The following ZNF804A variants were observed in gnomAD, a reference collection of about 807,000 sequenced individuals.
The protein encoded by ZNF804A is zinc finger protein 804A.
A neutral mutation model predicts 16.5 loss-of-function variants in ZNF804A; 2 were observed. The ratio of observed to expected loss-of-function variants is 0.12; its 90% CI spans 0.05 to 0.38. The LOEUF is 0.38. ZNF804A is among the 10% of genes least tolerant of loss of function. ZNF804A has a pLI of 0.99. For synonymous variants in ZNF804A, 534 were observed against 489.6 expected, an observed-to-expected ratio of 1.09 and a Z score of -1.20; for missense variants, 1,473 against 1,390.7, an observed-to-expected ratio of 1.06 and a Z score of -0.94.
chr2:184,880,169 C>T lies in ZNF804A; in HGVS notation c.255+13657C>T, dbSNP rs1216733297. Among the ~76,000 whole-genome samples, 4 of 151,910 alleles carry T rather than the reference C, an allele frequency of 2.6e-5. No homozygotes were observed. The South Asian group carries it at 8.3e-4, about 32-fold the overall frequency. On this transcript the variant is annotated intron_variant, in intron 2 of 3. Coordinates refer to ENST00000302277, the MANE Select transcript of ZNF804A (RefSeq NM_194250.2). The stretch of plus-strand genomic sequence containing the variant: ...GAGCCCTTTTGGGAAAAAATAAAAT[C>T]CCTTCTACCCCAGATTTGTCACTGT...
intron 3 of ZNF804A, among the ~76,000 whole-genome samples, chr2:184,935,481 A>T (rs1049377761): frequency 6.6e-6 from 1 of 152,210 alleles, no homozygotes; most frequent in Non-Finnish European, 1.5e-5. Flanking sequence ...ATCACAGAAG[A>T]GGCCATGAAG....
In ZNF804A at chr2:184,795,996, T is replaced by C. The variant is rs1331846156; in HGVS notation, c.112-70373T>C. Among the ~76,000 whole-genome samples the C allele has an allele frequency of 6.6e-5, 10 of 151,976 alleles. No homozygotes were observed. The East Asian group carries it at 1.9e-3, about 29-fold the overall frequency. ...GATGATCGTGTGATTTGTTTTTAAT[T>C]CTGTTTATGTGGTGAATCACATTTA... is the stretch of plus-strand genomic sequence containing the variant. On this transcript the variant is annotated intron_variant, in intron 1 of 3. Transcript: ENST00000302277.
chr2:184,730,009 A>C lies in ZNF804A; in HGVS notation c.111+130939A>C, dbSNP rs1693486878. Among the ~76,000 whole-genome samples, 5 of 152,098 alleles carry C rather than the reference A, an allele frequency of 3.3e-5. No individual in the cohort carries two copies. In the South Asian group the frequency reaches 1.0e-3, roughly 32 times the overall value. On this transcript the variant is annotated intron_variant, in intron 1 of 3. Coordinates refer to ENST00000302277, the MANE Select transcript of ZNF804A (RefSeq NM_194250.2). Reference sequence around the variant, plus strand: ...TGGTCCTGACTCATAGTATATGACCAATAAATGGTAACTACTACTATTAAT... The same window carrying C: ...TGGTCCTGACTCATAGTATATGACCCATAAATGGTAACTACTACTATTAAT...
At chr2:184,875,753 T>C (rs1333129217) in intron 2 of ZNF804A, among the ~76,000 whole-genome samples, 1 of 148,728 alleles carries the variant, frequency 6.7e-6, no homozygotes, top group Non-Finnish European at 1.5e-5. Context: ...CTCTGAATTT[T>C]AGTCATTGAC....
At chr2:184,780,061 G>T (rs933112862) in intron 1 of ZNF804A, among the ~76,000 whole-genome samples, 2 of 151,760 alleles carry the variant, frequency 1.3e-5, no homozygotes, top group African/African-American at 4.8e-5. Flanking sequence ...TTCTAAATGT[G>T]TATATACTGA....
intron 1 of ZNF804A, among the ~76,000 whole-genome samples, chr2:184,619,766 T>C (rs978039845): frequency 6.6e-6 from 1 of 151,920 alleles, no homozygotes; most frequent in African/African-American, 2.4e-5. Flanking sequence ...CAATAAATTA[T>C]CGTTATTTAT....
intron 2 of ZNF804A, among the ~76,000 whole-genome samples, chr2:184,897,952 C>G (rs1250800335): frequency 6.6e-6 from 1 of 152,106 alleles, no homozygotes; most frequent in Non-Finnish European, 1.5e-5. Context: ...TTAGTACAAA[C>G]CAAGATCTGG....
At chr2:184,887,989 T>C (rs1684923323) in intron 2 of ZNF804A, among the ~76,000 whole-genome samples, 1 of 151,722 alleles carries the variant, frequency 6.6e-6, no homozygotes, top group African/African-American at 2.4e-5. Context: ...AGGTTGGGAG[T>C]ACGGTAACGG....
chr2:184,619,108 C>T (rs1434706928), intron 1 of ZNF804A, among the ~76,000 whole-genome samples: 1 of 152,022 alleles, frequency 6.6e-6, no homozygotes, highest in Non-Finnish European at 1.5e-5. Context: ...AAAAAGTAAT[C>T]AGCAAGGAGC....
chr2:184,639,079 T>A (rs1177770478), intron 1 of ZNF804A, among the ~76,000 whole-genome samples: 1 of 147,710 alleles, frequency 6.8e-6, no homozygotes, highest in African/African-American at 2.5e-5. Flanking sequence ...TTTTTTTTTT[T>A]TTTTTTTTTT....
At chr2:184,704,313 T>A (rs1013166217) in intron 1 of ZNF804A, among the ~76,000 whole-genome samples, 1 of 152,034 alleles carries the variant, frequency 6.6e-6, no homozygotes, top group Non-Finnish European at 1.5e-5. Flanking sequence ...CCAACATGCC[T>A]GACTAATTTT....
At chr2:184,875,992 C>A (rs1402515143) in intron 2 of ZNF804A, among the ~76,000 whole-genome samples, 1 of 152,132 alleles carries the variant, frequency 6.6e-6, no homozygotes, top group African/African-American at 2.4e-5. Flanking sequence ...CCTCAAACAT[C>A]TTGATTTTTG....
At chr2:184,901,558 T>G (rs1685182576) in intron 2 of ZNF804A, among the ~76,000 whole-genome samples, 1 of 152,136 alleles carries the variant, frequency 6.6e-6, no homozygotes, top group Non-Finnish European at 1.5e-5. Flanking sequence ...AATTATACTT[T>G]CCTCAGCAGG....
intron 2 of ZNF804A, among the ~76,000 whole-genome samples, chr2:184,923,517 C>A (rs916510903): frequency 5.9e-5 from 9 of 151,800 alleles, no homozygotes; most frequent in Non-Finnish European, 1.3e-4. Context: ...TTCTTCCTTT[C>A]CAATTTGGAT....
At chr2:184,717,777 A>C (rs1693238715) in intron 1 of ZNF804A, among the ~76,000 whole-genome samples, 1 of 152,140 alleles carries the variant, frequency 6.6e-6, no homozygotes, top group South Asian at 2.1e-4. Context: ...CAGGTTATTT[A>C]GTGTGTCTAT....
chr2:184,612,435 A>ATTT (rs71403979), intron 1 of ZNF804A, among the ~76,000 whole-genome samples: 2 of 142,820 alleles, frequency 1.4e-5, no homozygotes, highest in Non-Finnish European at 3.1e-5. Flanking sequence ...GAAAGATGTA[A>ATTT]TTTTTTTTTT....
chr2:184,757,048 A>G (rs940340706), intron 1 of ZNF804A, among the ~76,000 whole-genome samples: 12 of 152,050 alleles, frequency 7.9e-5, no homozygotes, highest in African/African-American at 2.9e-4. Context: ...CAAGGTCTCC[A>G]CTAAATTCTT....
chr2:184,861,148 G>T (rs947341077), intron 1 of ZNF804A, among the ~76,000 whole-genome samples: 3 of 152,158 alleles, frequency 2.0e-5, no homozygotes, highest in Non-Finnish European at 4.4e-5. Context: ...TTAGTTTTTT[G>T]GGGGGACAGG....
At chr2:184,633,077 T>C (rs75685699) in intron 1 of ZNF804A, among the ~76,000 whole-genome samples, 40,922 of 152,042 alleles carry the variant, frequency 0.27, 5,747 homozygotes, top group African/African-American at 0.33. Context: ...TATAAACAGC[T>C]CTCTTGATTA....
Sources: gnomAD v4.1 joint callset for allele counts (sites outside exome capture counted in the v4.1 genomes callset) on GRCh38, gnomAD v4.1.1 for gene constraint, MANE v1.5 for transcripts, NCBI Gene and HGNC (gene_info 2026-07-23, HGNC 2026-07-21) for gene names.